The following TNFAIP8 variants were observed in gnomAD, a reference collection of about 807,000 sequenced individuals.
The protein encoded by TNFAIP8 is tumor necrosis factor alpha-induced protein 8.
TNFAIP8 carries 7 observed loss-of-function variants against 13.3 expected under a neutral mutation model. That is an observed-to-expected ratio of 0.52 (90% confidence interval 0.30 to 0.99). The LOEUF is 0.99. Among genes scored for constraint, TNFAIP8 ranks in the 50% least tolerant of loss-of-function variants. The pLI, the probability that TNFAIP8 is intolerant of heterozygous loss-of-function variation, is 0.07. For synonymous variants in TNFAIP8, 94 were observed against 87.6 expected (o/e 1.07, Z -0.41); for missense variants, 258 against 236.9 (o/e 1.09, Z -0.58).
chr5:119,278,528 G>A (rs1407906987), intron 1 of TNFAIP8, among the ~76,000 whole-genome samples: 1 of 152,008 alleles, frequency 6.6e-6, no homozygotes, highest in African/African-American at 2.4e-5. Context: ...TCATTGGCCA[G>A]AACTGAGTCA....
At chr5:119,360,196 G>A (rs1179376083) in intron 1 of TNFAIP8, among the ~76,000 whole-genome samples, 1 of 152,142 alleles carries the variant, frequency 6.6e-6, no homozygotes, top group Non-Finnish European at 1.5e-5. Context: ...CCTGACTGTT[G>A]GTGATCCAGG....
intron 1 of TNFAIP8, among the ~76,000 whole-genome samples, chr5:119,332,313 T>C (rs761129768): frequency 2.0e-5 from 3 of 152,096 alleles, no homozygotes; most frequent in Non-Finnish European, 2.9e-5. Flanking sequence ...TAATAGCAAT[T>C]CTGTGACATT....
intron 1 of TNFAIP8, among the ~76,000 whole-genome samples, chr5:119,336,617 C>G (rs77706300): frequency 0.018 from 2,715 of 152,256 alleles, 96 homozygotes; most frequent in African/African-American, 0.062. Flanking sequence ...CAATGGTATT[C>G]TGCCCATTAG....
At chr5:119,381,435 G>C (rs958719713) in intron 1 of TNFAIP8, among the ~76,000 whole-genome samples, 1 of 152,086 alleles carries the variant, frequency 6.6e-6, no homozygotes, top group Non-Finnish European at 1.5e-5. Flanking sequence ...TGTTGCTCAG[G>C]AGGCTGAGGT....
At chr5:119,282,471 A>C (rs927717310) in intron 1 of TNFAIP8, among the ~76,000 whole-genome samples, 1 of 152,174 alleles carries the variant, frequency 6.6e-6, no homozygotes, top group Non-Finnish European at 1.5e-5. Flanking sequence ...ATGTGGGTGC[A>C]GCACCCATTG....
In TNFAIP8 at chr5:119,328,402, C is replaced by T. The variant is rs144891446; in HGVS notation, c.1+59495C>T. On this transcript the variant is annotated intron_variant, in intron 1 of 1. Coordinates refer to the TNFAIP8 transcript ENST00000274456. ...ACTACATAATGAGAAAGCTCTCTGT[C>T]CTCTAGAGAGGGAATGGAGAATAGA... Among the ~76,000 whole-genome samples the T allele has an allele frequency of 1.5e-3, 236 of 152,294 alleles. 1 individual carries two copies. Among genetic ancestry groups the T allele is most frequent in the African/African-American group, 4.8e-3 (199 of 41,556 alleles).
intron 1 of TNFAIP8, among the ~76,000 whole-genome samples, chr5:119,308,833 T>C: frequency 6.8e-6 from 1 of 147,240 alleles, no homozygotes. Context: ...CCAGCCTGGG[T>C]TGCAGAGTGA....
chr5:119,380,567 G>A (rs1752448783), intron 1 of TNFAIP8, among the ~76,000 whole-genome samples: 1 of 152,166 alleles, frequency 6.6e-6, no homozygotes, highest in Non-Finnish European at 1.5e-5. Context: ...AAGAAAATAT[G>A]TAAATAAATC....
intron 1 of TNFAIP8, among the ~76,000 whole-genome samples, chr5:119,306,101 G>T (rs1749545146): frequency 6.6e-6 from 1 of 152,154 alleles, no homozygotes; most frequent in African/African-American, 2.4e-5. Flanking sequence ...GACTTCCTAT[G>T]AATTCCTCTG....
intron 1 of TNFAIP8, among the ~76,000 whole-genome samples, chr5:119,285,202 G>C (rs1057043858): frequency 1.3e-5 from 2 of 152,224 alleles, no homozygotes; most frequent in African/African-American, 4.8e-5. Context: ...TAATATTGCT[G>C]AGATGCTCAA....
intron 1 of TNFAIP8, among the ~76,000 whole-genome samples, chr5:119,279,504 G>A (rs1456257417): frequency 1.3e-5 from 2 of 152,158 alleles, no homozygotes; most frequent in African/African-American, 4.8e-5. Flanking sequence ...AGAACCCAAT[G>A]CCCGACTGTT....
intron 1 of TNFAIP8, among the ~76,000 whole-genome samples, chr5:119,375,254 A>G (rs980312324): frequency 6.6e-6 from 1 of 152,162 alleles, no homozygotes; most frequent in Non-Finnish European, 1.5e-5. Flanking sequence ...GTTAACCTCT[A>G]GGCCTCTGTT....
Position 119,395,015 on chromosome 5 carries a change from T to C in TNFAIP8, c.*1634T>C, listed in dbSNP as rs1487202122. On this transcript the variant is annotated 3_prime_UTR_variant, in exon 2 of 2. Transcript: ENST00000504771. ...ACTAAAAATTCCAGAAGTTGAGATC[T>C]GCTCTAACCCATTTCAGCCTAGAGA... 2 of 152,206 alleles carry C rather than the reference T, an allele frequency of 1.3e-5. No homozygotes were observed. Among genetic ancestry groups the C allele is most frequent in the African/African-American group, 4.8e-5 (2 of 41,434 alleles). The allele number at this position is 152,206 out of a possible 1,614,324, so 9.4% of individuals were successfully genotyped here.
upstream of TNFAIP8, among the ~76,000 whole-genome samples, chr5:119,353,414 G>C (rs1202824446): frequency 6.6e-6 from 1 of 152,234 alleles, no homozygotes; most frequent in African/African-American, 2.4e-5. Flanking sequence ...GGGCAATGCA[G>C]CCTGCCCAGA....
At chr5:119,281,306 ACT>A (rs34012819) in intron 1 of TNFAIP8, among the ~76,000 whole-genome samples, 1,189 of 114,218 alleles carry the variant, frequency 0.01, 18 homozygotes, top group South Asian at 0.073. Context: ...ACACACACAC[ACT>A]CTCTCTCTCT....
chr5:119,369,060 T>A (rs996334910), intron 1 of TNFAIP8, among the ~76,000 whole-genome samples: 1 of 150,740 alleles, frequency 6.6e-6, no homozygotes, highest in Non-Finnish European at 1.5e-5. Context: ...CTTTTCTTTT[T>A]TTTTTTTTTT....
intron 1 of TNFAIP8, among the ~76,000 whole-genome samples, chr5:119,335,134 T>C (rs1750511668): frequency 6.6e-6 from 1 of 152,136 alleles, no homozygotes. Flanking sequence ...ATTTCACTCT[T>C]GGATATCAGC....
chr5:119,354,065 A>G (rs6860034), upstream of TNFAIP8, among the ~76,000 whole-genome samples: 24,190 of 152,182 alleles, frequency 0.16, 3,627 homozygotes, highest in African/African-American at 0.4. Flanking sequence ...TGGGCAGGAC[A>G]GGAAAAGCCA....
intron 1 of TNFAIP8, among the ~76,000 whole-genome samples, chr5:119,345,120 C>A (rs1234514285): frequency 6.6e-6 from 1 of 152,112 alleles, no homozygotes; most frequent in Non-Finnish European, 1.5e-5. Context: ...GTATTGATAA[C>A]TTTGTAGTTG....
Sources: gnomAD v4.1 joint callset for allele counts (sites outside exome capture counted in the v4.1 genomes callset) on GRCh38, gnomAD v4.1.1 for gene constraint, MANE v1.5 for transcripts, NCBI Gene and HGNC (gene_info 2026-07-23, HGNC 2026-07-21) for gene names.